DLGAP1: variants seen among roughly 807,000 people sequenced by gnomAD.
The protein encoded by DLGAP1 is DLG associated protein 1, also known as disks large-associated protein 1.
A neutral mutation model predicts 90.8 loss-of-function variants in DLGAP1; 11 were observed. The observed-to-expected ratio is 0.12, with a 90% CI of 0.08 to 0.20. The LOEUF (loss-of-function observed/expected upper bound fraction) is 0.20, where lower values mean the gene tolerates loss of function less well. DLGAP1 is among the 10% of genes least tolerant of loss of function. DLGAP1 has a pLI of 1.00. For missense variants in DLGAP1, 1,050 were observed against 1,333.8 expected (o/e 0.79, Z 3.31); for synonymous variants, 558 against 540.7 (o/e 1.03, Z -0.44).
intron 7 of DLGAP1, among the ~76,000 whole-genome samples, chr18:3,600,064 C>T (rs1316208644): frequency 1.3e-5 from 2 of 151,982 alleles, no homozygotes; most frequent in African/African-American, 2.4e-5. Flanking sequence ...GAACCACAAG[C>T]GCACACCACC....
intron 2 of DLGAP1, among the ~76,000 whole-genome samples, chr18:4,060,237 C>A (rs1040064006): frequency 6.6e-6 from 1 of 152,190 alleles, no homozygotes; most frequent in Admixed American, 6.5e-5. Context: ...TGATAAATTT[C>A]TCTCTTGAGT....
At chr18:3,512,750 C>G (rs1440398251) in intron 10 of DLGAP1, among the ~76,000 whole-genome samples, 1 of 152,166 alleles carries the variant, frequency 6.6e-6, no homozygotes, top group African/African-American at 2.4e-5. Context: ...GTGGCCAATC[C>G]CCGTCTTCTG....
chr18:4,145,547 T>C (rs1162633386), intron 2 of DLGAP1, among the ~76,000 whole-genome samples: 1 of 152,106 alleles, frequency 6.6e-6, no homozygotes, highest in African/African-American at 2.4e-5. Context: ...GTAACCAATA[T>C]CAAAATGACA....
intron 1 of DLGAP1, among the ~76,000 whole-genome samples, chr18:4,220,879 T>C (rs1440209078): frequency 1.3e-5 from 2 of 152,182 alleles, no homozygotes; most frequent in Admixed American, 6.6e-5. Context: ...GGACCACATA[T>C]GTGACAGTGG....
Position 3,951,812 on chromosome 18 carries a change from G to C in DLGAP1, c.-73+53304C>G, listed in dbSNP as rs184504789. On this transcript the variant is annotated intron_variant, in intron 3 of 12. Transcript: ENST00000315677. ...ACATTTTTTTCTCTCTTGTTGCTTT[G>C]TGAAGAGAGTACCTGCTTCCCCTTA... Among the ~76,000 whole-genome samples, 17 of 152,200 alleles carry C rather than the reference G, an allele frequency of 1.1e-4. No individual in the cohort carries two copies. In the East Asian group the frequency reaches 3.3e-3, roughly 29 times the overall value.
intron 3 of DLGAP1, among the ~76,000 whole-genome samples, chr18:3,907,226 C>T (rs1186516998): frequency 1.3e-5 from 2 of 152,156 alleles, no homozygotes; most frequent in Non-Finnish European, 2.9e-5. Flanking sequence ...TTAGGAAAAC[C>T]AAAGCACTAC....
At chr18:3,956,934 G>C (rs1330101928) in intron 3 of DLGAP1, among the ~76,000 whole-genome samples, 2 of 152,144 alleles carry the variant, frequency 1.3e-5, no homozygotes, top group Non-Finnish European at 2.9e-5. Context: ...TTACAGGCAT[G>C]AGCCACCACA....
At position 3,826,597 on chromosome 18, in the gene DLGAP1, C is replaced by G. The variant is rs570954139; in HGVS notation, c.958-12324G>C. Among the ~76,000 whole-genome samples, 13 of 152,138 alleles carry G rather than the reference C, an allele frequency of 8.5e-5. No homozygotes were observed. In the East Asian group the frequency reaches 2.1e-3, roughly 25 times the overall value. ...GGACTGCCATGCACACAGCGGGAGG[C>G]CAGGTGAGTGGAGTGGAGTGAGAGG... On this transcript the variant is annotated intron_variant, in intron 4 of 12. Transcript: ENST00000315677.
chr18:3,583,167 TACCTACCTA>T lies in DLGAP1; in HGVS notation c.1592-928_1592-920del, dbSNP rs1568240581. 2.6e-4 allele frequency among the ~76,000 whole-genome samples: 29 copies of T among 111,074 alleles called. No individual in the cohort carries two copies. In the East Asian group the frequency reaches 3.6e-3, roughly 14 times the overall value. The allele number at this position is 111,074 out of a possible 152,430, so 72.9% of individuals were successfully genotyped here. A position where few individuals can be genotyped will look rare whatever the true frequency, so the allele number is the denominator to read the frequency against. On this transcript the variant is annotated intron_variant, in intron 7 of 12. Transcript: ENST00000315677. ...CGACCTACCTACCTACCTACCTACCTACCTACCTACCTACCTACCTTCCTTCCTTCCTTC... is the reference window on the plus strand; with the variant it reads ...CGACCTACCTACCTACCTACCTACCTCCTACCTACCTTCCTTCCTTCCTTC...
intron 1 of DLGAP1, among the ~76,000 whole-genome samples, chr18:4,296,586 C>T (rs1276723688): frequency 2.6e-5 from 4 of 152,200 alleles, no homozygotes; most frequent in African/African-American, 9.7e-5. Context: ...TCCTTCTCTC[C>T]TAAATCCTGT....
At chr18:4,035,258 G>C (rs774150363) in intron 2 of DLGAP1, among the ~76,000 whole-genome samples, 1 of 152,134 alleles carries the variant, frequency 6.6e-6, no homozygotes, top group African/African-American at 2.4e-5. Context: ...CACAAGGGGG[G>C]ACTGCTTGAG....
chr18:3,950,724 G>T (rs565013703), intron 3 of DLGAP1, among the ~76,000 whole-genome samples: 1 of 152,182 alleles, frequency 6.6e-6, no homozygotes, highest in African/African-American at 2.4e-5. Flanking sequence ...TCTGAACGCT[G>T]CTTCCATTTA....
intron 2 of DLGAP1, among the ~76,000 whole-genome samples, chr18:4,142,878 G>A (rs2076518276): frequency 6.6e-6 from 1 of 152,192 alleles, no homozygotes; most frequent in Admixed American, 6.5e-5. Flanking sequence ...CAGAGGTGCT[G>A]CCTTGGTGGT....
chr18:3,878,600 G>A (rs557622875), intron 4 of DLGAP1, among the ~76,000 whole-genome samples: 2 of 152,280 alleles, frequency 1.3e-5, no homozygotes, highest in South Asian at 4.1e-4. Context: ...TGGAAGCTCA[G>A]GTCGGGGTGT....
At chr18:4,033,872 G>A (rs1211683903) in intron 2 of DLGAP1, among the ~76,000 whole-genome samples, 3 of 150,264 alleles carry the variant, frequency 2.0e-5, no homozygotes, top group South Asian at 2.1e-4. Context: ...CCGAGTAGCC[G>A]GGACTACAGG....
chr18:3,586,481 T>C (rs2055895317), intron 7 of DLGAP1, among the ~76,000 whole-genome samples: 1 of 152,048 alleles, frequency 6.6e-6, no homozygotes, highest in African/African-American at 2.4e-5. Context: ...AATTCAAATC[T>C]TCATGACTGC....
At chr18:4,298,931 AT>A (rs2080053425) in intron 1 of DLGAP1, among the ~76,000 whole-genome samples, 1 of 151,834 alleles carries the variant, frequency 6.6e-6, no homozygotes, top group Non-Finnish European at 1.5e-5. Flanking sequence ...AATACAAAAA[AT>A]TAGCCAAGCG....
In DLGAP1 at chr18:4,342,118, A is replaced by G. The variant is rs1417513754; in HGVS notation, c.-267+112888T>C. On this transcript the variant is annotated intron_variant, in intron 1 of 12. Transcript: ENST00000315677. This position sits in a 1 kb window ranked among gnomAD's most constrained non-coding sequence, Gnocchi z 5.8. The stretch of plus-strand genomic sequence containing the variant: ...TTCCTTCCCTTCCCAAATCCATAGA[A>G]TTTTAAAAGACACAAGATTCAATAC... Among the ~76,000 whole-genome samples the G allele has an allele frequency of 6.6e-6, 1 of 152,110 alleles. No homozygotes were observed. Among genetic ancestry groups the G allele is most frequent in the Non-Finnish European group, 1.5e-5 (1 of 68,010 alleles).
intron 1 of DLGAP1, among the ~76,000 whole-genome samples, chr18:4,190,785 T>C (rs1385514442): frequency 6.6e-6 from 1 of 152,154 alleles, no homozygotes; most frequent in African/African-American, 2.4e-5. Flanking sequence ...TATGAATAAA[T>C]GGCAGTCAGT....
Sources: allele counts gnomAD v4.1 joint callset (sites outside exome capture counted in the v4.1 genomes callset), GRCh38; gene constraint gnomAD v4.1.1; non-coding constraint Gnocchi (gnomAD v3.1); transcripts MANE v1.5; gene names NCBI Gene and HGNC (gene_info 2026-07-23, HGNC 2026-07-21).